Variants in CLOCK observed in about 807,000 individuals in gnomAD.
The protein encoded by CLOCK is clock circadian regulator.
In CLOCK, 43 loss-of-function variants were observed where a neutral mutation model predicts 118.4. The observed-to-expected ratio is 0.36, with a 90% CI of 0.28 to 0.47. The LOEUF is 0.47. Ranked by LOEUF, CLOCK falls within the 20% of genes least tolerant of loss-of-function variation. The pLI, the probability that CLOCK is intolerant of heterozygous loss-of-function variation, is 1.00. For synonymous variants in CLOCK, 326 were observed against 339.2 expected, an observed-to-expected ratio of 0.96 and a Z score of 0.43; for missense variants, 846 against 999.9, an observed-to-expected ratio of 0.85 and a Z score of 2.08.
In CLOCK at chr4:55,432,027, G is replaced by A. The variant is rs6832769; in HGVS notation, c.*3388C>T. 0.68 allele frequency: 104,058 copies of A among 152,028 alleles called. 35,852 individuals are homozygous for A. The highest frequency in any genetic ancestry group is 0.81 in the South Asian group (3,917 of 4,820). The allele number at this position is 152,028 out of a possible 1,614,324, so 9.4% of individuals were successfully genotyped here. A position where few individuals can be genotyped will look rare whatever the true frequency, so the allele number is the denominator to read the frequency against. On this transcript the variant is annotated 3_prime_UTR_variant, in exon 23 of 23. Transcript: ENST00000513440. ...ACATTTTCACTATTTTGCACTGAAT[G>A]TTCTATAACAAACTATTCCAAATCA...
At chr4:55,437,988 G>C (rs539367397) in intron 22 of CLOCK, among the ~76,000 whole-genome samples, 1 of 152,292 alleles carries the variant, frequency 6.6e-6, no homozygotes, top group Admixed American at 6.5e-5. Context: ...TTAAGTTCCA[G>C]AAACTCTAGC....
At chr4:55,521,860 T>C (rs888571191) in intron 1 of CLOCK, among the ~76,000 whole-genome samples, 4 of 152,214 alleles carry the variant, frequency 2.6e-5, no homozygotes, top group African/African-American at 7.2e-5. Flanking sequence ...AGTATTTATG[T>C]GGAAGAGCAA....
chr4:55,450,006 C>G lies in CLOCK; in HGVS notation c.1348+85G>C, dbSNP rs1237078352. 4.7e-6 allele frequency: 7 copies of G among 1,475,894 alleles called. No individual in the cohort carries two copies. The African/African-American group carries it at 5.6e-5, about 12-fold the overall frequency. The allele number at this position is 1,475,894 out of a possible 1,614,324, so 91.4% of individuals were successfully genotyped here. A position where few individuals can be genotyped will look rare whatever the true frequency, so the allele number is the denominator to read the frequency against. ...GTAAAAACTTATAATTTTAAAGAAG[C>G]GTTTGATGAGAAATGCTGATATAAG... On this transcript the variant is annotated intron_variant, in intron 16 of 22. Coordinates refer to ENST00000513440, the MANE Select transcript of CLOCK (RefSeq NM_004898.4).
At chr4:55,469,224 C>T (rs1224401872) in intron 8 of CLOCK, among the ~76,000 whole-genome samples, 1 of 151,624 alleles carries the variant, frequency 6.6e-6, no homozygotes, top group East Asian at 1.9e-4. Context: ...CTCCCAGGTT[C>T]AGGCGATTCT....
chr4:55,540,699 A>T (rs1008418885), intron 1 of CLOCK: 1 of 152,252 alleles, frequency 6.6e-6, no homozygotes, highest in African/African-American at 2.4e-5. Flanking sequence ...TCAACCAAGC[A>T]CGCAGCTTCA....
At chr4:55,530,898 A>AATGACAT (rs1325681961) in intron 1 of CLOCK, among the ~76,000 whole-genome samples, 1 of 152,096 alleles carries the variant, frequency 6.6e-6, no homozygotes, top group Non-Finnish European at 1.5e-5. Flanking sequence ...AATAGCTCAG[A>AATGACAT]ATGACATATA....
chr4:55,545,778 G>A (rs557748538), intron 1 of CLOCK: 2 of 152,426 alleles, frequency 1.3e-5, no homozygotes, highest in Admixed American at 6.5e-5. Context: ...CAGAGCGCCA[G>A]AGCCAACTCC....
chr4:55,434,009 A>C lies in CLOCK; in HGVS notation c.*1406T>G, dbSNP rs1311602269. On this transcript the variant is annotated 3_prime_UTR_variant, in exon 23 of 23. Transcript: ENST00000513440. ...TCACATTAATAACTATGATAGTGTT[A>C]GGTTATCATCTTTTATTTCTAAATT... 6.6e-6 allele frequency: 1 copy of C among 152,620 alleles called. No homozygotes were observed. Among genetic ancestry groups the C allele is most frequent in the Non-Finnish European group, 1.5e-5 (1 of 68,032 alleles). 9.5% of individuals were successfully genotyped at this position (152,620 alleles called of 1,614,324 possible).
At chr4:55,470,410 G>A (rs770087665) in intron 8 of CLOCK, among the ~76,000 whole-genome samples, 1 of 152,200 alleles carries the variant, frequency 6.6e-6, no homozygotes, top group Non-Finnish European at 1.5e-5. Context: ...TATAGCCTAA[G>A]TGCGTAGTAG....
chr4:55,511,787 A>C (rs1729163389), intron 1 of CLOCK, among the ~76,000 whole-genome samples: 1 of 151,898 alleles, frequency 6.6e-6, no homozygotes, highest in Non-Finnish European at 1.5e-5. Flanking sequence ...TAACCCCTAC[A>C]CCACATTCAT....
intron 1 of CLOCK, among the ~76,000 whole-genome samples, chr4:55,542,587 C>T (rs2110124621): frequency 6.6e-6 from 1 of 151,702 alleles, no homozygotes; most frequent in South Asian, 2.1e-4. Flanking sequence ...TAAAACAAAC[C>T]CTCTGGAACT....
chr4:55,439,474 C>G (rs1723167616), intron 21 of CLOCK, among the ~76,000 whole-genome samples: 1 of 152,126 alleles, frequency 6.6e-6, no homozygotes, highest in African/African-American at 2.4e-5. Flanking sequence ...AAAAAATTCA[C>G]TATAGGATTA....
At chr4:55,545,815 G>A (rs1731579595) in intron 1 of CLOCK, 1 of 152,332 alleles carries the variant, frequency 6.6e-6, no homozygotes, top group Non-Finnish European at 1.5e-5. Flanking sequence ...CTGGCGGAAA[G>A]AAATCTACAA....
chr4:55,484,201 T>C (rs2109919220), intron 3 of CLOCK, among the ~76,000 whole-genome samples: 1 of 152,188 alleles, frequency 6.6e-6, no homozygotes, highest in South Asian at 2.1e-4. Flanking sequence ...TTTTTTCTTT[T>C]TGTTTTTGAG....
rs538819947 is a variant in CLOCK at position 55,488,232 on chromosome 4, T to A, written c.-44+1142A>T. On this transcript the variant is annotated intron_variant, in intron 3 of 22. Coordinates refer to ENST00000513440, the MANE Select transcript of CLOCK (RefSeq NM_004898.4). ...TATTCTCCTGCTTTTGTACTCATCT[T>A]GCTGGCTGCTCCTTCTCCTCTAATT... 9.2e-5 allele frequency among the ~76,000 whole-genome samples: 14 copies of A among 152,340 alleles called. No homozygotes were observed. The East Asian group carries it at 2.7e-3, about 29-fold the overall frequency.
In CLOCK at chr4:55,443,597, T is replaced by A. The variant is rs1723548000; in HGVS notation, c.1902+90A>T. On this transcript the variant is annotated intron_variant, in intron 20 of 22. Transcript: ENST00000513440. The stretch of plus-strand genomic sequence containing the variant: ...AATACTATTAAATTTTGAAATGATA[T>A]TTTATCATTAGAGCTTTATTTCTGC... 3.0e-6 allele frequency: 3 copies of A among 988,132 alleles called. No homozygotes were observed. The South Asian group carries it at 4.0e-5, about 13-fold the overall frequency. 61.2% of individuals were successfully genotyped at this position (988,132 alleles called of 1,614,324 possible).
chr4:55,433,286 T>C lies in CLOCK; in HGVS notation c.*2129A>G, dbSNP rs1722643317. 6.6e-6 allele frequency: 1 copy of C among 152,670 alleles called. No homozygotes were observed. Among genetic ancestry groups the C allele is most frequent in the African/African-American group, 2.4e-5 (1 of 41,454 alleles). The allele number at this position is 152,670 out of a possible 1,614,324, so 9.5% of individuals were successfully genotyped here. A position where few individuals can be genotyped will look rare whatever the true frequency, so the allele number is the denominator to read the frequency against. Reference sequence around the variant, plus strand: ...TGGATGGTCATTTAGCTAGAAGAGCTCCTTGATATGTTAATTACTGATTGA... The same window carrying C: ...TGGATGGTCATTTAGCTAGAAGAGCCCCTTGATATGTTAATTACTGATTGA... On this transcript the variant is annotated 3_prime_UTR_variant, in exon 23 of 23. Coordinates refer to ENST00000513440, the MANE Select transcript of CLOCK (RefSeq NM_004898.4).
Position 55,442,513 on chromosome 4 carries a change from A to G in CLOCK, c.2024T>C (p.Met675Thr), listed in dbSNP as rs1163768666. Residue 675 changes from methionine to threonine, a missense_variant, in exon 21 of 23, where the codon ATG becomes ACG. This residue lies in a region of CLOCK where 520 missense variants were observed against 558.0 expected (regional missense o/e 0.93). Coordinates refer to ENST00000513440, the MANE Select transcript of CLOCK (RefSeq NM_004898.4). ...TGGCATACTAGATGGAATCTGGACC[A>G]TGCTTCCGGCTGCAGGCTGAGAAAT... is the stretch of plus-strand genomic sequence containing the variant. ...MVISQPAAGS[M>T]VQIPSSMPQN... 4 of 1,609,492 alleles carry G rather than the reference A, an allele frequency of 2.5e-6. No homozygotes were observed. The highest frequency in any genetic ancestry group is 3.4e-5 in the Admixed American group (2 of 59,226).
intron 13 of CLOCK, 145 bp from the exon 14 acceptor site, chr4:55,453,969 G>C: frequency 1.5e-6 from 1 of 656,508 alleles, no homozygotes. Flanking sequence ...ATATGAAAAT[G>C]TTATTCTTTA....
Sources: gnomAD v4.1 joint callset for allele counts (sites outside exome capture counted in the v4.1 genomes callset) on GRCh38, gnomAD v4.1.1 for gene constraint, gnomAD v4.1.1 regional missense constraint, MANE v1.5 for transcripts, NCBI Gene and HGNC (gene_info 2026-07-23, HGNC 2026-07-21) for gene names.